The following GRHL2 variants were observed in gnomAD, a reference collection of about 807,000 sequenced individuals.
GRHL2 encodes the protein grainyhead-like protein 2 homolog.
A neutral mutation model predicts 83.8 loss-of-function variants in GRHL2; 21 were observed. That is an observed-to-expected ratio of 0.25 (90% CI 0.18 to 0.36). The LOEUF (loss-of-function observed/expected upper bound fraction) is 0.36, where lower values mean the gene tolerates loss of function less well. Ranked by LOEUF, GRHL2 falls within the 10% of genes least tolerant of loss-of-function variation. GRHL2 has a pLI of 1.00. For synonymous variants in GRHL2, 280 were observed against 278.9 expected (o/e 1.00, Z -0.04); for missense variants, 623 against 781.8 (o/e 0.80, Z 2.42).
At chr8:101,520,611 A>G (rs1424179635) in intron 1 of GRHL2, among the ~76,000 whole-genome samples, 1 of 152,140 alleles carries the variant, frequency 6.6e-6, no homozygotes. Flanking sequence ...GTATGGATTG[A>G]ACAGAAAAGA....
chr8:101,675,473 A>C, the GRHL2 span, among the ~76,000 whole-genome samples: 11 of 152,006 alleles, frequency 7.2e-5, no homozygotes, highest in Admixed American at 7.2e-4. Flanking sequence ...CTTCAGAGAG[A>C]ATAAAATACT....
the GRHL2 span, among the ~76,000 whole-genome samples, chr8:101,677,686 C>T: frequency 6.6e-6 from 1 of 152,060 alleles, no homozygotes. Context: ...TATACAATGT[C>T]AGCCATTTCC....
At chr8:101,674,066 A>G (rs562833711), downstream of GRHL2, among the ~76,000 whole-genome samples, 17 of 152,310 alleles carry the variant, frequency 1.1e-4, no homozygotes, top group Non-Finnish European at 2.4e-4. Context: ...CAGTGTGTAG[A>G]GGGAAATTTA....
intron 7 of GRHL2, among the ~76,000 whole-genome samples, chr8:101,588,230 G>T (rs150798021): frequency 2.9e-3 from 436 of 152,230 alleles, no homozygotes; most frequent in African/African-American, 9.5e-3. Flanking sequence ...TTCTCCAAAG[G>T]TTGCTGTGGA....
downstream of GRHL2, among the ~76,000 whole-genome samples, chr8:101,671,517 G>T (rs1814209520): frequency 6.6e-6 from 1 of 152,222 alleles, no homozygotes; most frequent in Admixed American, 6.5e-5. Context: ...GCTTGATTAG[G>T]CAAACAAAGC....
Position 101,530,727 on chromosome 8 carries a change from A to G in GRHL2, c.21-12514A>G, listed in dbSNP as rs190156489. ...TGTTCCAGGACCTTGGAATTCTACA[A>G]ATAATGTAAACTTGTTGTCTTTCTT... On this transcript the variant is annotated intron_variant, in intron 1 of 15. Coordinates refer to ENST00000646743, the MANE Select transcript of GRHL2 (RefSeq NM_024915.4). Among the ~76,000 whole-genome samples, 33 of 152,282 alleles carry G rather than the reference A, an allele frequency of 2.2e-4. 1 individual carries two copies. In the East Asian group the frequency reaches 6.2e-3, roughly 28 times the overall value.
chr8:101,509,163 TTTC>T lies in GRHL2; in HGVS notation c.20+16377_20+16379del, dbSNP rs1366819428. ...CTTCCTTCCTTCCTTCCTTCCTTTC[TTTC>T]TTTCTTTTTCTTTCTTTCTTTTCTC... On this transcript the variant is annotated intron_variant, in intron 1 of 15. Coordinates refer to ENST00000646743, the MANE Select transcript of GRHL2 (RefSeq NM_024915.4). Among the ~76,000 whole-genome samples, 175 of 111,302 alleles carry T rather than the reference TTTC, an allele frequency of 1.6e-3. 1 individual carries two copies. Among genetic ancestry groups the T allele is most frequent in the Middle Eastern group, 4.3e-3 (1 of 232 alleles). The allele number at this position is 111,302 out of a possible 152,430, so 73.0% of individuals were successfully genotyped here. A position where few individuals can be genotyped will look rare whatever the true frequency, so the allele number is the denominator to read the frequency against.
intron 1 of GRHL2, among the ~76,000 whole-genome samples, chr8:101,509,287 C>G (rs1227421178): frequency 7.1e-6 from 1 of 141,594 alleles, no homozygotes; most frequent in Non-Finnish European, 1.5e-5. Flanking sequence ...GGTTGTTTAT[C>G]TAAATAGTAG....
At chr8:101,633,167 A>G (rs993878211) in intron 11 of GRHL2, among the ~76,000 whole-genome samples, 1 of 152,132 alleles carries the variant, frequency 6.6e-6, no homozygotes, top group African/African-American at 2.4e-5. Flanking sequence ...GATATGGCTG[A>G]TTTTTTCTTT....
chr8:101,592,102 T>C (rs923429083), intron 7 of GRHL2, among the ~76,000 whole-genome samples: 1 of 126,592 alleles, frequency 7.9e-6, no homozygotes, highest in East Asian at 2.2e-4. Flanking sequence ...TTTCTTTTCT[T>C]TTTTTTTTTT....
chr8:101,590,873 T>A (rs867391118), intron 7 of GRHL2, among the ~76,000 whole-genome samples: 1 of 152,226 alleles, frequency 6.6e-6, no homozygotes, highest in African/African-American at 2.4e-5. Flanking sequence ...CCAGACAGAA[T>A]CCGCACCTTT....
At chr8:101,650,174 A>G (rs184357974) in intron 14 of GRHL2, among the ~76,000 whole-genome samples, 7 of 152,348 alleles carry the variant, frequency 4.6e-5, no homozygotes, top group African/African-American at 1.7e-4. Context: ...GACTGCCAGG[A>G]ACACAGTTCA....
chr8:101,664,573 G>T, intron 15 of GRHL2, 55 bp downstream of exon 15: 1 of 1,270,602 alleles, frequency 7.9e-7, no homozygotes, highest in Non-Finnish European at 1.1e-6. Context: ...TCCACATGAT[G>T]CCTTAAAAAT....
intron 1 of GRHL2, among the ~76,000 whole-genome samples, chr8:101,505,150 C>T (rs1013350578): frequency 6.6e-5 from 10 of 152,138 alleles, no homozygotes; most frequent in African/African-American, 2.4e-4. Context: ...AGTGAATTTG[C>T]AATTGCCCCT....
chr8:101,560,247 T>A (rs1811581184), intron 4 of GRHL2, among the ~76,000 whole-genome samples: 1 of 152,194 alleles, frequency 6.6e-6, no homozygotes, highest in South Asian at 2.1e-4. Context: ...CAGGCTGGTC[T>A]TGAACTCCTG....
chr8:101,511,205 A>G (rs1810457314), intron 1 of GRHL2, among the ~76,000 whole-genome samples: 1 of 152,078 alleles, frequency 6.6e-6, no homozygotes, highest in Non-Finnish European at 1.5e-5. Context: ...CAGTCACTTC[A>G]TTTTTTGGGT....
At chr8:101,529,068 G>T in intron 1 of GRHL2, 5 of 378,170 alleles carry the variant, frequency 1.3e-5, no homozygotes, top group South Asian at 8.4e-5. Context: ...TTTTTTCAGG[G>T]AGTTCTTCCT....
chr8:101,536,806 T>C (rs1177377860), intron 1 of GRHL2, among the ~76,000 whole-genome samples: 1 of 152,204 alleles, frequency 6.6e-6, no homozygotes, highest in Non-Finnish European at 1.5e-5. Flanking sequence ...GGGGTACATG[T>C]GCAGGTCTGT....
At position 101,599,774 on chromosome 8, in the gene GRHL2, C is replaced by T. The variant is rs543187663; in HGVS notation, c.1098+623C>T. On this transcript the variant is annotated intron_variant, in intron 8 of 15. Transcript: ENST00000646743. ...TGAGAAGAGACGTCCACCATTGCAA[C>T]GGTTTGGATAAAAGAAGGCAGAGTC... Among the ~76,000 whole-genome samples, 6 of 152,262 alleles carry T rather than the reference C, an allele frequency of 3.9e-5. No homozygotes were observed. The South Asian group carries it at 6.2e-4, about 16-fold the overall frequency.
Sources: gnomAD v4.1 joint callset for allele counts (sites outside exome capture counted in the v4.1 genomes callset) on GRCh38, gnomAD v4.1.1 for gene constraint, MANE v1.5 for transcripts, NCBI Gene and HGNC (gene_info 2026-07-23, HGNC 2026-07-21) for gene names.